The following LPIN2 variants were observed in gnomAD, a reference collection of about 807,000 sequenced individuals.
LPIN2 encodes the protein phosphatidate phosphatase LPIN2.
LPIN2 carries 55 observed loss-of-function variants against 111.4 expected under a neutral mutation model. That is an observed-to-expected ratio of 0.49 (90% confidence interval 0.40 to 0.62). The LOEUF is 0.62. LPIN2 is among the 20% of genes least tolerant of loss of function. LPIN2 has a pLI of 0.00. For synonymous variants in LPIN2, 425 were observed against 414.0 expected, an observed-to-expected ratio of 1.03 and a Z score of -0.32; for missense variants, 992 against 1,112.1, an observed-to-expected ratio of 0.89 and a Z score of 1.54.
At chr18:2,936,091 GACC>G (rs974737944) in intron 7 of LPIN2, among the ~76,000 whole-genome samples, 11 of 152,166 alleles carry the variant, frequency 7.2e-5, no homozygotes, top group African/African-American at 2.7e-4. Context: ...GGTTTTATCT[GACC>G]ACCAACACCT....
chr18:2,931,227 T>C lies in LPIN2; in HGVS notation c.1456+29A>G, dbSNP rs16944068. 16,973 of 1,611,140 alleles carry C rather than the reference T, an allele frequency of 0.011. 486 individuals are homozygous for C. Among genetic ancestry groups the C allele is most frequent in the African/African-American group, 0.093 (6,979 of 74,990 alleles). On this transcript the variant is annotated intron_variant, in intron 9 of 19. Transcript: ENST00000677752. ...GTGATGACCAGATTGCTCTCTGAAA[T>C]GAAGATGGGGCACAAACACCCAACG...
chr18:3,011,809 G>C (rs1020884832), intron 1 of LPIN2: 4 of 152,350 alleles, frequency 2.6e-5, no homozygotes, highest in African/African-American at 9.7e-5. Context: ...CTCTGGCTGG[G>C]TACGGCCTGA....
chr18:3,009,296 G>C (rs1451170796), intron 1 of LPIN2, among the ~76,000 whole-genome samples: 1 of 151,678 alleles, frequency 6.6e-6, no homozygotes, highest in Non-Finnish European at 1.5e-5. Context: ...CTACTCAGGA[G>C]GCTGAGGCAG....
chr18:2,920,695 A>C, intron 19 of LPIN2, 83 bp downstream of exon 19: 1 of 1,038,022 alleles, frequency 9.6e-7, no homozygotes, highest in Non-Finnish European at 1.5e-6. Context: ...CTCAAGGATC[A>C]GGGGGAAAAG....
Position 2,923,757 on chromosome 18 carries a change from C to G in LPIN2, c.2174+18G>C. ...CTTCCAGCTCACCAGAGCGAGTTAA[C>G]GTGGGGAGGGTACCTACTCATTGAT... On this transcript the variant is annotated intron_variant, in intron 16 of 19. Coordinates refer to ENST00000677752, the MANE Select transcript of LPIN2 (RefSeq NM_001375808.2). 6.2e-7 allele frequency: 1 copy of G among 1,606,428 alleles called. No individual in the cohort carries two copies. Among genetic ancestry groups the G allele is most frequent in the South Asian group, 1.1e-5 (1 of 90,914 alleles).
intron 1 of LPIN2, among the ~76,000 whole-genome samples, chr18:3,005,676 T>TACACACACACACACACAC (rs34050872): frequency 4.1e-5 from 6 of 147,026 alleles, no homozygotes; most frequent in Middle Eastern, 3.5e-3. Context: ...GACACTATCT[T>TACACACACACACACACAC]ACACACACAC....
intron 6 of LPIN2, among the ~76,000 whole-genome samples, 179 bp from the exon 7 acceptor site, chr18:2,938,216 A>G (rs1268177075): frequency 6.6e-6 from 1 of 152,166 alleles, no homozygotes. Flanking sequence ...CCTTTTGTTC[A>G]ATATCATGAT....
chr18:2,922,319 G>T, intron 16 of LPIN2, 120 bp from the exon 17 acceptor site: 1 of 1,178,886 alleles, frequency 8.5e-7, no homozygotes, highest in Non-Finnish European at 1.2e-6. Flanking sequence ...CTGTTACCCA[G>T]GCTGGAGTGC....
chr18:2,933,351 A>G (rs2077239708), intron 8 of LPIN2, among the ~76,000 whole-genome samples: 1 of 152,170 alleles, frequency 6.6e-6, no homozygotes, highest in Admixed American at 6.5e-5. Flanking sequence ...ATATAAATAA[A>G]TGATTAAGGC....
At chr18:3,012,588 A>G (rs993572894) in intron 1 of LPIN2, among the ~76,000 whole-genome samples, 1 of 152,198 alleles carries the variant, frequency 6.6e-6, no homozygotes, top group Non-Finnish European at 1.5e-5. Flanking sequence ...AAGAAACACC[A>G]GCAACTCGGC....
At chr18:2,950,427 A>G (rs1172667072) in intron 4 of LPIN2, 1 of 153,700 alleles carries the variant, frequency 6.5e-6, no homozygotes, top group Non-Finnish European at 1.4e-5. Context: ...GTCGTCACCA[A>G]TAAAGAGAAT....
chr18:2,919,932 A>T lies in LPIN2; in HGVS notation c.*361T>A, dbSNP rs1427517854. 5 of 347,762 alleles carry T rather than the reference A, an allele frequency of 1.4e-5. No individual in the cohort carries two copies. The highest frequency in any genetic ancestry group is 8.5e-5 in the African/African-American group (4 of 47,254). The allele number at this position is 347,762 out of a possible 1,614,324, so 21.5% of individuals were successfully genotyped here. On this transcript the variant is annotated 3_prime_UTR_variant, in exon 20 of 20. Coordinates refer to ENST00000677752, the MANE Select transcript of LPIN2 (RefSeq NM_001375808.2). ...CCTCAACTGCCCAGTGGAAACTGGAACACTTCACTGTGTGCAGTGTTTTGG... is the reference window on the plus strand; with the variant it reads ...CCTCAACTGCCCAGTGGAAACTGGATCACTTCACTGTGTGCAGTGTTTTGG...
At chr18:2,957,435 G>GA (rs1252803408) in intron 2 of LPIN2, among the ~76,000 whole-genome samples, 1 of 152,112 alleles carries the variant, frequency 6.6e-6, no homozygotes, top group Non-Finnish European at 1.5e-5. Flanking sequence ...TCCAAAAAAT[G>GA]AAAAAAATGA....
Position 2,920,357 on chromosome 18 carries a change from T to C in LPIN2, c.2627A>G (p.Glu876Gly). Reference sequence around the variant, plus strand: ...TCGCCAGTAGCAGAAGGAGCTGAACTCCGGGCAGGGAAAAGCGGAATTCTG... The same window carrying C: ...TCGCCAGTAGCAGAAGGAGCTGAACCCCGGGCAGGGAAAAGCGGAATTCTG... ...KEQNSAFPCPEFSSFCYWRDP... is the reference protein window; with the variant it reads ...KEQNSAFPCPGFSSFCYWRDP... Residue 876 changes from glutamate to glycine, a missense_variant, in exon 20 of 20, where the codon GAG becomes GGG. Transcript: ENST00000677752. The C allele has an allele frequency of 1.9e-6, 3 of 1,613,998 alleles. No homozygotes were observed. Among genetic ancestry groups the C allele is most frequent in the Non-Finnish European group, 2.5e-6 (3 of 1,180,020 alleles).
chr18:2,999,253 G>A (rs921143802), intron 1 of LPIN2, among the ~76,000 whole-genome samples: 2 of 152,140 alleles, frequency 1.3e-5, no homozygotes, highest in African/African-American at 2.4e-5. Flanking sequence ...AAGTTAAAAC[G>A]AGGTCATTAA....
intron 1 of LPIN2, among the ~76,000 whole-genome samples, chr18:2,981,680 C>G (rs72871459): frequency 0.022 from 3,387 of 152,284 alleles, 79 homozygotes; most frequent in Non-Finnish European, 0.031. Flanking sequence ...CTGCCTCCCC[C>G]GTGGTAGCAC....
At chr18:2,975,912 T>C (rs2143329872) in intron 1 of LPIN2, among the ~76,000 whole-genome samples, 1 of 152,294 alleles carries the variant, frequency 6.6e-6, no homozygotes, top group South Asian at 2.1e-4. Context: ...TTTTTGAATT[T>C]TATCCAAAAT....
chr18:2,929,028 A>C (rs1173833015), intron 10 of LPIN2, 37 bp downstream of exon 10: 2 of 1,316,886 alleles, frequency 1.5e-6, no homozygotes, highest in East Asian at 2.3e-5. Flanking sequence ...AAAAAACTGC[A>C]AGAGTATTTA....
At chr18:2,984,701 A>G (rs980823223) in intron 1 of LPIN2, among the ~76,000 whole-genome samples, 1 of 152,156 alleles carries the variant, frequency 6.6e-6, no homozygotes, top group African/African-American at 2.4e-5. Context: ...AGAAAGACAA[A>G]AACCATATCC....
Sources: allele counts gnomAD v4.1 joint callset (sites outside exome capture counted in the v4.1 genomes callset), GRCh38; gene constraint gnomAD v4.1.1; transcripts MANE v1.5; gene names NCBI Gene and HGNC (gene_info 2026-07-23, HGNC 2026-07-21).